The following CNTNAP2 variants were observed in gnomAD, a reference collection of about 807,000 sequenced individuals.
CNTNAP2 encodes the protein contactin-associated protein-like 2.
In CNTNAP2, 98 loss-of-function variants were observed where a neutral mutation model predicts 155.2. The ratio of observed to expected loss-of-function variants is 0.63; its 90% CI spans 0.54 to 0.75. The LOEUF is 0.75. CNTNAP2 is among the 30% of genes least tolerant of loss of function. The probability of loss-of-function intolerance (pLI) is 0.00; values close to 1 mark genes in which losing one functional copy is unlikely to be tolerated. For missense variants in CNTNAP2, 1,727 were observed against 1,688.1 expected (o/e 1.02, Z -0.40); for synonymous variants, 651 against 631.2 (o/e 1.03, Z -0.47).
At chr7:146,705,819 C>T (rs1186151321) in intron 1 of CNTNAP2, among the ~76,000 whole-genome samples, 1 of 152,052 alleles carries the variant, frequency 6.6e-6, no homozygotes, top group Non-Finnish European at 1.5e-5. Flanking sequence ...CCTGGCCTCG[C>T]ACTTGACACA....
At chr7:147,788,900 C>CTTTTTCTT (rs1797776381) in intron 13 of CNTNAP2, among the ~76,000 whole-genome samples, 1 of 100,748 alleles carries the variant, frequency 9.9e-6, no homozygotes, top group Non-Finnish European at 1.9e-5. Context: ...TTTTCTTTTT[C>CTTTTTCTT]TTTTTTTTTT....
intron 8 of CNTNAP2, among the ~76,000 whole-genome samples, chr7:147,268,050 A>G (rs1804656492): frequency 6.6e-6 from 1 of 152,110 alleles, no homozygotes; most frequent in Non-Finnish European, 1.5e-5. Context: ...CCTGCTTGTA[A>G]CCTACTTTGT....
intron 8 of CNTNAP2, among the ~76,000 whole-genome samples, chr7:147,150,315 C>G (rs1004406745): frequency 6.6e-6 from 1 of 152,022 alleles, no homozygotes; most frequent in African/African-American, 2.4e-5. Context: ...AGCAAAAAGA[C>G]AGAGAATGGG....
At chr7:147,550,525 A>G (rs1159716014) in intron 11 of CNTNAP2, among the ~76,000 whole-genome samples, 1 of 152,198 alleles carries the variant, frequency 6.6e-6, no homozygotes, top group African/African-American at 2.4e-5. Flanking sequence ...TTCCTTTATA[A>G]ATTACCCAGT....
At chr7:146,723,269 T>C (rs1801370435) in intron 1 of CNTNAP2, among the ~76,000 whole-genome samples, 1 of 151,968 alleles carries the variant, frequency 6.6e-6, no homozygotes, top group Non-Finnish European at 1.5e-5. Context: ...AAGAAACAAC[T>C]GGGGCCACCA....
At chr7:146,802,476 G>A (rs568589812) in intron 2 of CNTNAP2, among the ~76,000 whole-genome samples, 16 of 152,136 alleles carry the variant, frequency 1.1e-4, no homozygotes, top group Admixed American at 3.9e-4. Context: ...AATTCCCAAC[G>A]TTGGGGGAGG....
intron 3 of CNTNAP2, among the ~76,000 whole-genome samples, chr7:146,932,442 T>C (rs1307375309): frequency 3.3e-5 from 5 of 152,014 alleles, no homozygotes; most frequent in Non-Finnish European, 4.4e-5. Flanking sequence ...TATGGCAAAA[T>C]AATAAGAGCT....
rs188407005 is a variant in CNTNAP2, at chr7:146,644,967, C to T, written c.98-129304C>T. On this transcript the variant is annotated intron_variant, in intron 1 of 23. Transcript: ENST00000361727. Reference sequence around the variant, plus strand: ...GTCAGTAGAAAAAGAGGGAATCCTCCCTCAGTCATTTTATGAGGCCAGCAT... The same window carrying T: ...GTCAGTAGAAAAAGAGGGAATCCTCTCTCAGTCATTTTATGAGGCCAGCAT... Among the ~76,000 whole-genome samples the T allele has an allele frequency of 8.9e-4, 135 of 152,198 alleles. 1 individual carries two copies. Among genetic ancestry groups the T allele is most frequent in the African/African-American group, 3.0e-3 (126 of 41,528 alleles).
intron 3 of CNTNAP2, among the ~76,000 whole-genome samples, chr7:146,934,678 G>A (rs1796872774): frequency 6.6e-6 from 1 of 152,076 alleles, no homozygotes; most frequent in African/African-American, 2.4e-5. Context: ...AGAAAAAAAT[G>A]GACAATGGTA....
At chr7:146,323,992 A>G (rs1258181564) in intron 1 of CNTNAP2, among the ~76,000 whole-genome samples, 1 of 152,182 alleles carries the variant, frequency 6.6e-6, no homozygotes, top group Non-Finnish European at 1.5e-5. Context: ...CATATGGCCT[A>G]AAGACATTTC....
chr7:147,463,124 C>T (rs1366785693), intron 10 of CNTNAP2, among the ~76,000 whole-genome samples: 1 of 152,072 alleles, frequency 6.6e-6, no homozygotes, highest in African/African-American at 2.4e-5. Context: ...TGCCCTGGGT[C>T]CTCTATCATT....
intron 9 of CNTNAP2, among the ~76,000 whole-genome samples, chr7:147,319,089 A>G (rs946420915): frequency 1.3e-5 from 2 of 152,182 alleles, no homozygotes; most frequent in Non-Finnish European, 2.9e-5. Flanking sequence ...TTATTCATGT[A>G]ACAAAAATTG....
chr7:147,201,393 C>A (rs1390724326), intron 8 of CNTNAP2, among the ~76,000 whole-genome samples: 1 of 152,162 alleles, frequency 6.6e-6, no homozygotes, highest in Non-Finnish European at 1.5e-5. Context: ...GTCTCATTAA[C>A]CGAGACAATG....
chr7:148,027,754 GA>G (rs1236064866), intron 15 of CNTNAP2, among the ~76,000 whole-genome samples: 3 of 151,902 alleles, frequency 2.0e-5, no homozygotes, highest in East Asian at 1.9e-4. Flanking sequence ...GGTCATATAT[GA>G]AAAAAAGAAA....
At chr7:148,036,070 C>T (rs1376651835) in intron 15 of CNTNAP2, among the ~76,000 whole-genome samples, 1 of 152,184 alleles carries the variant, frequency 6.6e-6, no homozygotes, top group Non-Finnish European at 1.5e-5. Flanking sequence ...TTTGGAAGCA[C>T]ATAACTTGTT....
intron 1 of CNTNAP2, among the ~76,000 whole-genome samples, chr7:146,494,101 G>A (rs1441767739): frequency 5.3e-5 from 8 of 152,230 alleles, no homozygotes; most frequent in Non-Finnish European, 1.2e-4. Flanking sequence ...TTGGGAGGCC[G>A]AGGCGGGCGG....
At chr7:147,866,472 C>G (rs1359612120) in intron 13 of CNTNAP2, among the ~76,000 whole-genome samples, 2 of 152,144 alleles carry the variant, frequency 1.3e-5, no homozygotes, top group Admixed American at 1.3e-4. Context: ...CCTGGATATC[C>G]TTGTTAACCT....
rs182310298 is a variant in CNTNAP2, at chr7:146,842,329, A to G, written c.402+2425A>G. Among the ~76,000 whole-genome samples, 849 of 152,158 alleles carry G rather than the reference A, an allele frequency of 5.6e-3. 12 individuals carry two copies. Among genetic ancestry groups the G allele is most frequent in the African/African-American group, 0.019 (786 of 41,490 alleles). On this transcript the variant is annotated intron_variant, in intron 3 of 23. Coordinates refer to ENST00000361727, the MANE Select transcript of CNTNAP2 (RefSeq NM_014141.6). The stretch of plus-strand genomic sequence containing the variant: ...CTTAAGGTGATAAAGGTGCATTTCT[A>G]TTGTCTTCTCCCTTTCTGGTGTTCA...
rs190778031 is a variant in CNTNAP2 at position 147,584,741 on chromosome 7, C to G, written c.1897+22484C>G. On this transcript the variant is annotated intron_variant, in intron 12 of 23. Transcript: ENST00000361727. Reference sequence around the variant, plus strand: ...TTCAGAGCTTCTTGCCTCTTCCTCTCTGATCCAGAGATGCTGCTGAGAAAG... The same window carrying G: ...TTCAGAGCTTCTTGCCTCTTCCTCTGTGATCCAGAGATGCTGCTGAGAAAG... Among the ~76,000 whole-genome samples, 206 of 152,354 alleles carry G rather than the reference C, an allele frequency of 1.4e-3. 1 individual carries two copies. Among genetic ancestry groups the G allele is most frequent in the Middle Eastern group, 3.4e-3 (1 of 294 alleles).
Sources: allele counts gnomAD v4.1 joint callset (sites outside exome capture counted in the v4.1 genomes callset), GRCh38; gene constraint gnomAD v4.1.1; transcripts MANE v1.5; gene names NCBI Gene and HGNC (gene_info 2026-07-23, HGNC 2026-07-21).